SAFB2: variants seen among roughly 807,000 people sequenced by gnomAD.
SAFB2 encodes the protein scaffold attachment factor B2.
A neutral mutation model predicts 100.6 loss-of-function variants in SAFB2; 32 were observed. The ratio of observed to expected loss-of-function variants is 0.32; its 90% CI spans 0.24 to 0.43. The LOEUF (loss-of-function observed/expected upper bound fraction) is 0.43. Ranked by LOEUF, SAFB2 falls within the 20% of genes least tolerant of loss-of-function variation. The pLI, the probability that SAFB2 is intolerant of heterozygous loss-of-function variation, is 1.00. For synonymous variants in SAFB2, 500 were observed against 439.4 expected (o/e 1.14, Z -1.72); for missense variants, 1,185 against 1,163.4 (o/e 1.02, Z -0.27).
chr19:5,590,212 C>T, intron 18 of SAFB2, 66 bp downstream of exon 18: 1 of 1,308,336 alleles, frequency 7.6e-7, no homozygotes, highest in African/African-American at 1.5e-5. Context: ...ACGTGCCTGG[C>T]CAGGCACCAA....
chr19:5,596,595 A>T (rs1475096767), intron 13 of SAFB2, among the ~76,000 whole-genome samples: 1 of 152,108 alleles, frequency 6.6e-6, no homozygotes, highest in East Asian at 1.9e-4. Flanking sequence ...CTGCTGCTTC[A>T]TCCTCCCAAA....
chr19:5,595,660 C>T (rs2052521482), intron 13 of SAFB2, among the ~76,000 whole-genome samples, 163 bp from the exon 14 acceptor site: 1 of 152,222 alleles, frequency 6.6e-6, no homozygotes, highest in South Asian at 2.1e-4. Context: ...CTGCTTCCCT[C>T]CAAGTTTGCA....
chr19:5,592,229 A>G (rs2052424432), intron 16 of SAFB2, among the ~76,000 whole-genome samples: 1 of 152,160 alleles, frequency 6.6e-6, no homozygotes, highest in Admixed American at 6.5e-5. Flanking sequence ...TGAATGGGGA[A>G]ATGGGTCAGA....
intron 11 of SAFB2, among the ~76,000 whole-genome samples, chr19:5,601,256 C>T (rs1160139016): frequency 6.6e-6 from 1 of 152,246 alleles, no homozygotes; most frequent in Non-Finnish European, 1.5e-5. Flanking sequence ...TCCTCTCCCT[C>T]ATCCCTGCGA....
chr19:5,608,701 T>C (rs1029147222), intron 9 of SAFB2, among the ~76,000 whole-genome samples: 7 of 152,140 alleles, frequency 4.6e-5, no homozygotes, highest in Admixed American at 3.9e-4. Flanking sequence ...ACCTTGTCCC[T>C]TGGAAGCCAC....
chr19:5,621,489 A>C (rs1250430461), intron 1 of SAFB2, 93 bp from the exon 2 acceptor site: 6 of 871,294 alleles, frequency 6.9e-6, no homozygotes, highest in Non-Finnish European at 1.2e-5. Context: ...AACAAAGGCA[A>C]ACCCGTCCTT....
chr19:5,615,502 G>A (rs1021476898), intron 4 of SAFB2, among the ~76,000 whole-genome samples: 4 of 151,340 alleles, frequency 2.6e-5, no homozygotes, highest in Non-Finnish European at 4.4e-5. Flanking sequence ...GAGCTCAGGG[G>A]TTCAAGATCA....
chr19:5,602,897 G>A (rs967398259), intron 11 of SAFB2, among the ~76,000 whole-genome samples: 1 of 151,406 alleles, frequency 6.6e-6, no homozygotes. Flanking sequence ...GATTAAATTA[G>A]AGGGCTCACC....
rs2052443061 is a variant in SAFB2, at chr19:5,592,858, T to A, written c.2237A>T (p.Lys746Met). The A allele has an allele frequency of 6.2e-7, 1 of 1,614,028 alleles. No individual in the cohort carries two copies. The highest frequency in any genetic ancestry group is 1.1e-5 in the South Asian group (1 of 91,064). ...ATATCGGTCCTCCATTGCCACACGC[T>A]TTCCTTCTGGCCAATAGGCATCATC... The part of the protein sequence containing the change: ...RRDDAYWPEG[K>M]RVAMEDRYRA... Residue 746 changes from lysine (K) to methionine (M), a missense_variant, in exon 16 of 21, where the codon AAG becomes ATG. Transcript: ENST00000252542.
chr19:5,591,556 G>A (rs2052404475), intron 17 of SAFB2, 192 bp downstream of exon 17: 2 of 569,538 alleles, frequency 3.5e-6, no homozygotes, highest in African/African-American at 3.8e-5. Context: ...GGGATTACAG[G>A]CATGAGCCAC....
At chr19:5,599,473 G>A (rs973096139) in intron 12 of SAFB2, among the ~76,000 whole-genome samples, 3 of 152,190 alleles carry the variant, frequency 2.0e-5, no homozygotes, top group African/African-American at 7.2e-5. Context: ...GTGAGACTCA[G>A]GGTAAATTAG....
At chr19:5,592,666 G>C in intron 16 of SAFB2, 81 bp downstream of exon 16, 4 of 1,524,080 alleles carry the variant, frequency 2.6e-6, no homozygotes, top group Non-Finnish European at 3.6e-6. Context: ...AGGAACCCCT[G>C]CACTGGGCTG....
At chr19:5,601,800 C>T (rs1306326188) in intron 11 of SAFB2, among the ~76,000 whole-genome samples, 1 of 152,148 alleles carries the variant, frequency 6.6e-6, no homozygotes, top group Non-Finnish European at 1.5e-5. Flanking sequence ...GGGTCTGACT[C>T]CTTTCACCTG....
chr19:5,597,379 C>T (rs2052555024), intron 13 of SAFB2, among the ~76,000 whole-genome samples: 1 of 151,996 alleles, frequency 6.6e-6, no homozygotes, highest in Middle Eastern at 3.2e-3. Flanking sequence ...AAGTGAGACA[C>T]TCCCACCCTT....
chr19:5,604,651 C>G lies in SAFB2; in HGVS notation c.1491G>C (p.Glu497Asp), dbSNP rs1178046731. The G allele has an allele frequency of 6.2e-7, 1 of 1,614,240 alleles. No individual in the cohort carries two copies. Among genetic ancestry groups the G allele is most frequent in the Admixed American group, 1.7e-5 (1 of 60,028 alleles). ...ATAATTTTTCCTTCTTCACTTCGCA[C>G]TCTTTTCTGTCGGAAAGCTTTTTCC... ...PAGKKLSDRK[E>D]CEVKKEKLSS... Residue 497 changes from glutamate to aspartate, a missense_variant, in exon 11 of 21, where the codon GAG becomes GAC. This residue lies in a region of SAFB2 where 740 missense variants were observed against 687.1 expected (regional missense o/e 1.08). Coordinates refer to ENST00000252542, the MANE Select transcript of SAFB2 (RefSeq NM_014649.3).
rs575157872 is a variant in SAFB2 at position 5,604,506 on chromosome 19, T to C, written c.1559+77A>G. On this transcript the variant is annotated intron_variant, in intron 11 of 20. Transcript: ENST00000252542. ...GTGGGTACAGGTGGGGACAGATGCGTGTTTTTCAAGGCCCATGGTGGCTGC... is the reference window on the plus strand; with the variant it reads ...GTGGGTACAGGTGGGGACAGATGCGCGTTTTTCAAGGCCCATGGTGGCTGC... The C allele has an allele frequency of 7.7e-6, 8 of 1,044,318 alleles. No individual in the cohort carries two copies. The African/African-American group carries it at 1.3e-4, about 16-fold the overall frequency. The allele number at this position is 1,044,318 out of a possible 1,614,324, so 64.7% of individuals were successfully genotyped here. A position where few individuals can be genotyped will look rare whatever the true frequency, so the allele number is the denominator to read the frequency against.
intron 14 of SAFB2, among the ~76,000 whole-genome samples, 170 bp downstream of exon 14, chr19:5,595,191 G>A (rs962108770): frequency 2.6e-5 from 4 of 152,186 alleles, no homozygotes; most frequent in Admixed American, 6.5e-5. Flanking sequence ...GGCGGCTCAC[G>A]TGTGAACAGG....
At chr19:5,617,168 A>G (rs974838728) in intron 2 of SAFB2, among the ~76,000 whole-genome samples, 1 of 152,212 alleles carries the variant, frequency 6.6e-6, no homozygotes, top group African/African-American at 2.4e-5. Context: ...CTAGTAACCA[A>G]AGAACTGCAA....
chr19:5,613,529 T>C lies in SAFB2; in HGVS notation c.544-2A>G. On this transcript the variant is annotated splice_acceptor_variant, in intron 4 of 20. Coordinates refer to ENST00000252542, the MANE Select transcript of SAFB2 (RefSeq NM_014649.3). LOFTEE classifies it high-confidence loss of function. ...GTTCTTAAATCCTTCCCCATCCACCTGAAAAACAAAATGGAAGATGACTTC... is the reference window on the plus strand; with the variant it reads ...GTTCTTAAATCCTTCCCCATCCACCCGAAAAACAAAATGGAAGATGACTTC... The C allele has an allele frequency of 6.2e-7, 1 of 1,613,422 alleles. No individual in the cohort carries two copies. The highest frequency in any genetic ancestry group is 8.5e-7 in the Non-Finnish European group (1 of 1,179,662).
Sources: gnomAD v4.1 joint callset for allele counts (sites outside exome capture counted in the v4.1 genomes callset) on GRCh38, gnomAD v4.1.1 for gene constraint, gnomAD v4.1.1 regional missense constraint, MANE v1.5 for transcripts, NCBI Gene and HGNC (gene_info 2026-07-23, HGNC 2026-07-21) for gene names.